The following SAMD15 variants were observed in gnomAD, a reference collection of about 807,000 sequenced individuals.
SAMD15 encodes sterile alpha motif domain containing 15.
Under a neutral mutation model 50.5 loss-of-function variants are expected in SAMD15, and 37 were observed. The observed-to-expected ratio is 0.73, with a 90% CI of 0.56 to 0.96. The LOEUF (loss-of-function observed/expected upper bound fraction) is 0.96. SAMD15 is among the 40% of genes least tolerant of loss of function. The pLI, the probability that SAMD15 is intolerant of heterozygous loss-of-function variation, is 0.00. For missense variants in SAMD15, 789 were observed against 783.8 expected (o/e 1.01, Z -0.08); for synonymous variants, 255 against 282.8 (o/e 0.90, Z 0.99).
chr14:77,391,420 C>T lies in SAMD15; in HGVS notation c.*176C>T, dbSNP rs546977928. 6.3e-5 allele frequency: 30 copies of T among 473,356 alleles called. No homozygotes were observed. The highest frequency in any genetic ancestry group is 8.5e-5 in the Non-Finnish European group (23 of 270,116). 29.3% of individuals were successfully genotyped at this position (473,356 alleles called of 1,614,324 possible). On this transcript the variant is annotated 3_prime_UTR_variant, in exon 3 of 3. Transcript: ENST00000216471. ...ACAGTCTCAGCTCACTGCAACCTTGCGATTCTCCTGTCTCAGCCTCCCGAG... is the reference window on the plus strand; with the variant it reads ...ACAGTCTCAGCTCACTGCAACCTTGTGATTCTCCTGTCTCAGCCTCCCGAG...
intron 2 of SAMD15, among the ~76,000 whole-genome samples, chr14:77,387,354 T>G (rs1340880652): frequency 6.6e-6 from 1 of 152,270 alleles, no homozygotes; most frequent in South Asian, 2.1e-4. Flanking sequence ...GAGGATCACT[T>G]GAACCCAGGA....
Position 77,378,283 on chromosome 14 carries a change from C to G in SAMD15, c.865C>G (p.Pro289Ala), listed in dbSNP as rs1277956337. The G allele has an allele frequency of 6.2e-7, 1 of 1,612,694 alleles. No individual in the cohort carries two copies. Among genetic ancestry groups the G allele is most frequent in the Non-Finnish European group, 8.5e-7 (1 of 1,179,726 alleles). ...EPPEETQPEV[P>A]EEMQRKATEE... ...TCCAGAAGAGACTCAACCAGAGGTT[C>G]CAGAGGAGATGCAAAGAAAGGCAAC... The change falls in exon 1 of 3, where the codon CCA becomes GCA. Residue 289 changes from proline (P) to alanine (A), a missense_variant. Around this residue, in one of 2 missense-constraint regions of SAMD15, gnomAD observed 770 missense variants for 745.4 expected, o/e 1.03. Coordinates refer to ENST00000216471, the MANE Select transcript of SAMD15 (RefSeq NM_001010860.4).
At chr14:77,379,740 G>C (rs1893920219) in intron 1 of SAMD15, among the ~76,000 whole-genome samples, 1 of 152,148 alleles carries the variant, frequency 6.6e-6, no homozygotes, top group Non-Finnish European at 1.5e-5. Flanking sequence ...CTTTGTTCAA[G>C]GTAGGCTTTT....
rs1893883072 is a variant in SAMD15 at position 77,378,312 on chromosome 14, G to T, written c.894G>T (p.Glu298Asp). ...AGGAGATGCAAAGAAAGGCAACTGAGGAGAAAGGGACAGAACTACCTGAGC... is the reference window on the plus strand; with the variant it reads ...AGGAGATGCAAAGAAAGGCAACTGATGAGAAAGGGACAGAACTACCTGAGC... ...VPEEMQRKAT[E>D]EKGTELPERT... The change falls in exon 1 of 3, where the codon GAG becomes GAT. Residue 298 changes from glutamate to aspartate, a missense_variant. Physicochemically the swap from Glu to Asp is conservative, Grantham distance 45 (BLOSUM62 2). This residue lies in a region of SAMD15 where 770 missense variants were observed against 745.4 expected (regional missense o/e 1.03). Coordinates refer to ENST00000216471, the MANE Select transcript of SAMD15 (RefSeq NM_001010860.4). 1 of 1,612,074 alleles carries T rather than the reference G, an allele frequency of 6.2e-7. No homozygotes were observed. Among genetic ancestry groups the T allele is most frequent in the South Asian group, 1.1e-5 (1 of 90,706 alleles).
intron 2 of SAMD15, among the ~76,000 whole-genome samples, chr14:77,390,191 TCACCATGTTGG>T (rs917641476): frequency 2.0e-5 from 3 of 151,984 alleles, no homozygotes; most frequent in Non-Finnish European, 2.9e-5. Flanking sequence ...AGACAGGGTT[TCACCATGTTGG>T]CCAGACTGTT....
At chr14:77,386,371 G>A (rs1894006468) in intron 2 of SAMD15, among the ~76,000 whole-genome samples, 1 of 152,154 alleles carries the variant, frequency 6.6e-6, no homozygotes, top group Admixed American at 6.5e-5. Flanking sequence ...ATCAAATAAT[G>A]CACATTCTTT....
At position 77,391,944 on chromosome 14, in the gene SAMD15, C is replaced by T. The variant is rs1403850019; in HGVS notation, c.*700C>T. Among the ~76,000 whole-genome samples, 2 of 152,104 alleles carry T rather than the reference C, an allele frequency of 1.3e-5. No individual in the cohort carries two copies. The highest frequency in any genetic ancestry group is 2.9e-5 in the Non-Finnish European group (2 of 68,024). On this transcript the variant is annotated 3_prime_UTR_variant, in exon 3 of 3. Coordinates refer to ENST00000216471, the MANE Select transcript of SAMD15 (RefSeq NM_001010860.4). Reference sequence around the variant, plus strand: ...TGGCACATGCCTGTAGTCCCAGCTACTCAGGAGGCTGAGGCAGAAGAATCA... The same window carrying T: ...TGGCACATGCCTGTAGTCCCAGCTATTCAGGAGGCTGAGGCAGAAGAATCA...
chr14:77,379,002 C>G lies in SAMD15; in HGVS notation c.1584C>G (p.Asp528Glu). The change falls in exon 1 of 3, where the codon GAC becomes GAG. Residue 528 changes from aspartate (D) to glutamate (E), a missense_variant. By Grantham distance (45) the Asp-to-Glu change is conservative. Transcript: ENST00000216471. Reference sequence around the variant, plus strand: ...TGAAGGAACGGGTCTCTGAAGATGACGAAACCCAGCCAGAAAAAGGGACTG... The same window carrying G: ...TGAAGGAACGGGTCTCTGAAGATGAGGAAACCCAGCCAGAAAAAGGGACTG... ...QELKERVSED[D>E]ETQPEKGTEL... The G allele has an allele frequency of 6.2e-7, 1 of 1,614,022 alleles. No homozygotes were observed. Among genetic ancestry groups the G allele is most frequent in the East Asian group, 2.2e-5 (1 of 44,864 alleles).
chr14:77,388,839 C>T (rs1036242038), intron 2 of SAMD15, among the ~76,000 whole-genome samples: 5 of 152,086 alleles, frequency 3.3e-5, no homozygotes, highest in African/African-American at 1.2e-4. Flanking sequence ...GAACTCCTGA[C>T]CTCAGGTGAT....
Position 77,378,794 on chromosome 14 carries a change from A to G in SAMD15, c.1376A>G (p.Tyr459Cys). The G allele has an allele frequency of 6.2e-6, 10 of 1,612,738 alleles. No homozygotes were observed. The highest frequency in any genetic ancestry group is 8.5e-6 in the Non-Finnish European group (10 of 1,179,668). ...CTAAGTGACAAATTTAGAAAAGAAT[A>G]TTACGCATTAGGATCTCTCAGAGAA... ...LSLSDKFRKEYYALGSLRESE... is the reference protein window; with the variant it reads ...LSLSDKFRKECYALGSLRESE... The change falls in exon 1 of 3, where the codon TAT becomes TGT. Residue 459 changes from tyrosine to cysteine, a missense_variant. By Grantham distance (194) the Tyr-to-Cys change is radical. This residue lies in a region of SAMD15 where 770 missense variants were observed against 745.4 expected (regional missense o/e 1.03). Transcript: ENST00000216471.
intron 2 of SAMD15, among the ~76,000 whole-genome samples, chr14:77,381,615 G>T (rs905212078): frequency 6.6e-6 from 1 of 152,176 alleles, no homozygotes; most frequent in African/African-American, 2.4e-5. Context: ...CTCTTCCCTA[G>T]ATGACTCTTC....
Position 77,378,408 on chromosome 14 carries a change from A to T in SAMD15, c.990A>T (p.Glu330Asp). Residue 330 changes from glutamate to aspartate, a missense_variant, in exon 1 of 3, where the codon GAA becomes GAT. By Grantham distance (45) the Glu-to-Asp change is conservative (BLOSUM62 2). This residue lies in a region of SAMD15 where 770 missense variants were observed against 745.4 expected (regional missense o/e 1.03). Transcript: ENST00000216471. The stretch of plus-strand genomic sequence containing the variant: ...ATGAGAACGTTCCTGAGCCACTAGA[A>T]GAGATCAAATTAGAGTTTCCTGAGG... ...STDENVPEPL[E>D]EIKLEFPEEE... The T allele has an allele frequency of 6.2e-7, 1 of 1,614,150 alleles. No homozygotes were observed. The highest frequency in any genetic ancestry group is 1.1e-5 in the South Asian group (1 of 91,072).
chr14:77,389,081 C>A (rs555378783), intron 2 of SAMD15, among the ~76,000 whole-genome samples: 85 of 150,306 alleles, frequency 5.7e-4, no homozygotes, highest in Admixed American at 1.5e-3. Context: ...CACAGCAAGA[C>A]CCCATCTCTA....
chr14:77,379,028 A>C lies in SAMD15; in HGVS notation c.1610A>C (p.Glu537Ala). The C allele has an allele frequency of 6.2e-7, 1 of 1,614,164 alleles. No homozygotes were observed. The highest frequency in any genetic ancestry group is 1.3e-5 in the African/African-American group (1 of 75,070). ...DDETQPEKGT[E>A]LQFEHLNWDP... Reference sequence around the variant, plus strand: ...GAAACCCAGCCAGAAAAAGGGACTGAGTTACAATTTGAGCATCTTAATTGG... The same window carrying C: ...GAAACCCAGCCAGAAAAAGGGACTGCGTTACAATTTGAGCATCTTAATTGG... The change falls in exon 1 of 3, where the codon GAG becomes GCG. Residue 537 changes from glutamate (E) to alanine (A), a missense_variant. By Grantham distance (107) the Glu-to-Ala change is moderately radical. Transcript: ENST00000216471.
chr14:77,385,845 GGA>G (rs1893999230), intron 2 of SAMD15, among the ~76,000 whole-genome samples: 1 of 114,240 alleles, frequency 8.8e-6, no homozygotes. Flanking sequence ...CCAACATCCT[GGA>G]TTTTTTTTTT....
At position 77,392,054 on chromosome 14, in the gene SAMD15, A is replaced by C. The variant is rs1291616918; in HGVS notation, c.*810A>C. Among the ~76,000 whole-genome samples, 1 of 104,024 alleles carries C rather than the reference A, an allele frequency of 9.6e-6. No individual in the cohort carries two copies. The highest frequency in any genetic ancestry group is 2.3e-5 in the Non-Finnish European group (1 of 43,432). The allele number at this position is 104,024 out of a possible 152,430, so 68.2% of individuals were successfully genotyped here. On this transcript the variant is annotated 3_prime_UTR_variant, in exon 3 of 3. Transcript: ENST00000216471. ...GGGTGACAGAGTGAGACTCTGTCTAAAACAAACAAACAAAACAAAGCAAAA... is the reference window on the plus strand; with the variant it reads ...GGGTGACAGAGTGAGACTCTGTCTACAACAAACAAACAAAACAAAGCAAAA...
intron 2 of SAMD15, among the ~76,000 whole-genome samples, chr14:77,386,385 T>C (rs1370934458): frequency 6.6e-6 from 1 of 152,192 alleles, no homozygotes; most frequent in African/African-American, 2.4e-5. Flanking sequence ...ATTCTTTGGG[T>C]CCGGCTTCCT....
chr14:77,386,992 C>G (rs1183136584), intron 2 of SAMD15, among the ~76,000 whole-genome samples: 1 of 152,166 alleles, frequency 6.6e-6, no homozygotes, highest in Non-Finnish European at 1.5e-5. Context: ...AAGCTATCAC[C>G]TTAGAATGTA....
At chr14:77,386,497 C>T (rs982998730) in intron 2 of SAMD15, among the ~76,000 whole-genome samples, 52 of 152,144 alleles carry the variant, frequency 3.4e-4, no homozygotes, top group Non-Finnish European at 1.5e-4. Context: ...CTGGTATAGG[C>T]TGGCTGCAGT....
Sources: allele counts gnomAD v4.1 joint callset (sites outside exome capture counted in the v4.1 genomes callset), GRCh38; gene constraint gnomAD v4.1.1; regional missense constraint gnomAD v4.1.1; transcripts MANE v1.5; gene names NCBI Gene and HGNC (gene_info 2026-07-23, HGNC 2026-07-21).